Variants in KDELR2 observed in about 807,000 individuals in gnomAD.
KDELR2 encodes the protein KDEL endoplasmic reticulum protein retention receptor 2.
KDELR2 carries 15 observed loss-of-function variants against 23.9 expected under a neutral mutation model. That is an observed-to-expected ratio of 0.63 (90% CI 0.42 to 0.97). KDELR2 has a LOEUF of 0.97. Ranked by LOEUF, KDELR2 falls within the 50% of genes least tolerant of loss-of-function variation. The pLI is 0.00. For synonymous variants in KDELR2, 119 were observed against 106.2 expected (o/e 1.12, Z -0.74); for missense variants, 272 against 254.6 (o/e 1.07, Z -0.46).
intron 1 of KDELR2, among the ~76,000 whole-genome samples, chr7:6,474,633 G>A (rs1785718006): frequency 6.6e-6 from 1 of 152,108 alleles, no homozygotes; most frequent in Non-Finnish European, 1.5e-5. Flanking sequence ...CTGTCATTTA[G>A]TGTTATAACT....
At chr7:6,481,968 CGTTTATTTATTTATTTATTTATTT>C (rs1330611981) in intron 1 of KDELR2, among the ~76,000 whole-genome samples, 4 of 142,508 alleles carry the variant, frequency 2.8e-5, no homozygotes, top group Non-Finnish European at 6.1e-5. Flanking sequence ...CTCCTAAGGT[CGTTTATTTATTTATTTATTTATTT>C]ATTTATTTAT....
Position 6,469,754 on chromosome 7 carries a change from C to A in KDELR2, c.193G>T (p.Val65Phe), listed in dbSNP as rs758916632. The change falls in exon 3 of 5, where the codon GTT becomes TTT. Residue 65 changes from valine (V) to phenylalanine (F), a missense_variant and splice_region_variant. Transcript: ENST00000258739. The stretch of plus-strand genomic sequence containing the variant: ...GCATAGGAGCAGGCAAGGTAGATAA[C>A]CTACAAATAAAAGAAAAAACACCAG... Reference protein sequence around the residue: ...FISLYNTSMKVIYLACSYATV... With the variant: ...FISLYNTSMKFIYLACSYATV... 1 of 1,602,716 alleles carries A rather than the reference C, an allele frequency of 6.2e-7. No homozygotes were observed. Among genetic ancestry groups the A allele is most frequent in the Non-Finnish European group, 8.5e-7 (1 of 1,175,950 alleles).
chr7:6,464,942 G>T (rs1785469512), intron 4 of KDELR2, among the ~76,000 whole-genome samples: 3 of 151,756 alleles, frequency 2.0e-5, no homozygotes, highest in African/African-American at 2.4e-5. Flanking sequence ...CGCCATGTTG[G>T]TCAGGCTAGT....
At chr7:6,467,566 G>C (rs1373538708) in intron 3 of KDELR2, among the ~76,000 whole-genome samples, 1 of 152,120 alleles carries the variant, frequency 6.6e-6, no homozygotes, top group African/African-American at 2.4e-5. Context: ...TTCAAGACCA[G>C]CCTGGAAAAC....
Position 6,466,385 on chromosome 7 carries a change from A to G in KDELR2, c.352-62T>C, listed in dbSNP as rs992972229. On this transcript the variant is annotated intron_variant, in intron 3 of 4. Transcript: ENST00000258739. ...TGCCCACCAGGAGCTCAGAGGAAAC[A>G]CTCTTGCTTTCTTTACCACAAAGCA... is the stretch of plus-strand genomic sequence containing the variant. The G allele has an allele frequency of 3.8e-6, 6 of 1,578,006 alleles. No individual in the cohort carries two copies. In the African/African-American group the frequency reaches 8.1e-5, roughly 21 times the overall value.
intron 2 of KDELR2, among the ~76,000 whole-genome samples, chr7:6,470,718 T>C (rs1785614565): frequency 6.6e-6 from 1 of 152,172 alleles, no homozygotes; most frequent in Non-Finnish European, 1.5e-5. Flanking sequence ...TGTAAACATA[T>C]ACTTCTTGAT....
In KDELR2 at chr7:6,464,734, C is replaced by CT. The variant is rs201529691; in HGVS notation, c.604+1336dup. Among the ~76,000 whole-genome samples the CT allele has an allele frequency of 6.2e-3, 686 of 111,214 alleles. 1 individual carries two copies. The highest frequency in any genetic ancestry group is 0.012 in the African/African-American group (353 of 30,546). 73.0% of individuals were successfully genotyped at this position (111,214 alleles called of 152,430 possible). On this transcript the variant is annotated intron_variant, in intron 4 of 4. Transcript: ENST00000258739. Reference sequence around the variant, plus strand: ...ATAAGACATATATGCTCTTTTTTTTCTTTTTTTTTTTTTTTTTTGAGACAG... The same window carrying CT: ...ATAAGACATATATGCTCTTTTTTTTCTTTTTTTTTTTTTTTTTTTGAGACAG...
At chr7:6,471,215 T>C (rs1785631801) in intron 2 of KDELR2, among the ~76,000 whole-genome samples, 3 of 120,940 alleles carry the variant, frequency 2.5e-5, no homozygotes, top group Admixed American at 2.0e-4. Context: ...GGAGTCTCGC[T>C]CTGTCGCCCA....
intron 1 of KDELR2, among the ~76,000 whole-genome samples, chr7:6,481,791 C>G (rs910330687): frequency 3.9e-5 from 6 of 152,090 alleles, no homozygotes; most frequent in African/African-American, 1.4e-4. Context: ...AAAAAAGGAT[C>G]TAAACATCGT....
In KDELR2 at chr7:6,469,685, CA is replaced by C; in HGVS notation, c.261del (p.Asp87GlufsTer22). 6.2e-7 allele frequency: 1 copy of C among 1,614,054 alleles called. No individual in the cohort carries two copies. The highest frequency in any genetic ancestry group is 2.2e-5 in the East Asian group (1 of 44,884). On this transcript the variant is annotated frameshift_variant, in exon 3 of 5. Transcript: ENST00000258739. LOFTEE classifies it high-confidence loss of function. Reference sequence around the variant, plus strand: ...TCCACTCGGAAGGTATCATGATTTCCATCGTAGGTTGCCTTAAATTTCAGGT... The same window carrying C: ...TCCACTCGGAAGGTATCATGATTTCCTCGTAGGTTGCCTTAAATTTCAGGT... ...LIYLKFKATY[D>X]GNHDTFRVEF...
chr7:6,476,459 G>A (rs933206738), intron 1 of KDELR2, among the ~76,000 whole-genome samples: 8 of 152,206 alleles, frequency 5.3e-5, no homozygotes, highest in African/African-American at 1.7e-4. Flanking sequence ...ACCATACCTG[G>A]TGTTTGTTGA....
At chr7:6,483,081 T>C (rs940378098) in intron 1 of KDELR2, among the ~76,000 whole-genome samples, 4 of 152,142 alleles carry the variant, frequency 2.6e-5, no homozygotes, top group South Asian at 2.1e-4. Flanking sequence ...TCCAAAACTA[T>C]TATCTGGGAA....
intron 3 of KDELR2, among the ~76,000 whole-genome samples, chr7:6,468,739 CGT>C (rs1362566015): frequency 6.6e-6 from 1 of 151,652 alleles, no homozygotes; most frequent in Non-Finnish European, 1.5e-5. Flanking sequence ...CCCTTGACTT[CGT>C]GTCCCACCTG....
intron 1 of KDELR2, among the ~76,000 whole-genome samples, chr7:6,480,531 G>C (rs985998165): frequency 6.6e-6 from 1 of 152,174 alleles, no homozygotes; most frequent in African/African-American, 2.4e-5. Flanking sequence ...AAAGGCAGCT[G>C]TTCTGGAATC....
intron 1 of KDELR2, among the ~76,000 whole-genome samples, chr7:6,475,180 T>G (rs1228753686): frequency 1.3e-5 from 2 of 152,172 alleles, no homozygotes; most frequent in Non-Finnish European, 2.9e-5. Context: ...ATAGTGGTCA[T>G]GCCTATAATC....
intron 2 of KDELR2, among the ~76,000 whole-genome samples, chr7:6,471,005 T>A (rs1377884935): frequency 1.3e-5 from 2 of 151,044 alleles, no homozygotes; most frequent in Non-Finnish European, 3.0e-5. Flanking sequence ...TAGTTCCAGC[T>A]ACTCAGGAGG....
chr7:6,467,411 T>C (rs1045400980), intron 3 of KDELR2, among the ~76,000 whole-genome samples: 1 of 152,216 alleles, frequency 6.6e-6, no homozygotes, highest in South Asian at 2.1e-4. Flanking sequence ...GCCCAGCGTA[T>C]GACTTTATTC....
chr7:6,471,245 A>G (rs1198162953), intron 2 of KDELR2, among the ~76,000 whole-genome samples: 3 of 129,106 alleles, frequency 2.3e-5, no homozygotes, highest in Non-Finnish European at 3.1e-5. Flanking sequence ...GCAGTGGCAC[A>G]ATCTCGGCTC....
At chr7:6,469,491 A>C in intron 3 of KDELR2, 105 bp downstream of exon 3, 1 of 1,067,284 alleles carries the variant, frequency 9.4e-7, no homozygotes, top group East Asian at 2.4e-5. Context: ...TCCTGACCTC[A>C]TGATCCACCC....
Sources: gnomAD v4.1 joint callset for allele counts (sites outside exome capture counted in the v4.1 genomes callset) on GRCh38, gnomAD v4.1.1 for gene constraint, MANE v1.5 for transcripts, NCBI Gene and HGNC (gene_info 2026-07-23, HGNC 2026-07-21) for gene names.